Variants in NOS1 observed in about 807,000 individuals in gnomAD.
The protein encoded by NOS1 is nitric oxide synthase 1.
NOS1 carries 51 observed loss-of-function variants against 164.5 expected under a neutral mutation model. That is an observed-to-expected ratio of 0.31 (90% CI 0.25 to 0.39). The LOEUF (loss-of-function observed/expected upper bound fraction) is 0.39, where lower values mean the gene tolerates loss of function less well. NOS1 is among the 10% of genes least tolerant of loss of function. The pLI is 1.00. For missense variants in NOS1, 1,362 were observed against 1,885.6 expected (o/e 0.72, Z 5.14); for synonymous variants, 719 against 745.8 (o/e 0.96, Z 0.59).
chr12:117,246,536 C>T (rs1238254330), intron 18 of NOS1, among the ~76,000 whole-genome samples: 2 of 152,208 alleles, frequency 1.3e-5, no homozygotes, highest in African/African-American at 4.8e-5. Flanking sequence ...CGAACGTCCA[C>T]AAGGTTATGC....
intron 3 of NOS1, chr12:117,305,128 G>T: frequency 1.1e-6 from 1 of 939,404 alleles, no homozygotes; most frequent in Non-Finnish European, 1.3e-6. Context: ...CCCTGTGGAT[G>T]CTTAAACAAG....
chr12:117,221,130 T>TTTTA (rs200373619), intron 26 of NOS1, among the ~76,000 whole-genome samples: 27,559 of 146,024 alleles, frequency 0.19, 3,035 homozygotes, highest in East Asian at 0.37. Context: ...TTAAATTTAT[T>TTTTA]TTTATTTATT....
chr12:117,353,325 C>T (rs1174755389), intron 1 of NOS1, among the ~76,000 whole-genome samples: 2 of 152,120 alleles, frequency 1.3e-5, no homozygotes, highest in Non-Finnish European at 2.9e-5. Context: ...TACCTACCTA[C>T]CTCTCCATCT....
At chr12:117,269,193 T>A (rs1022348682) in intron 10 of NOS1, among the ~76,000 whole-genome samples, 2 of 152,022 alleles carry the variant, frequency 1.3e-5, no homozygotes, top group Non-Finnish European at 2.9e-5. Flanking sequence ...AGGTGAGCCC[T>A]AAGTGATGAG....
chr12:117,256,901 GTC>G (rs1361147435), intron 16 of NOS1, among the ~76,000 whole-genome samples: 6 of 151,800 alleles, frequency 4.0e-5, no homozygotes, highest in African/African-American at 1.5e-4. Context: ...GTGAAAGCCT[GTC>G]TCTACTAAAA....
chr12:117,282,252 G>A (rs775051136), intron 7 of NOS1, among the ~76,000 whole-genome samples: 6 of 151,554 alleles, frequency 4.0e-5, no homozygotes, highest in Non-Finnish European at 7.4e-5. Flanking sequence ...ACTTTTTCAC[G>A]ATGTAGTTCA....
At chr12:117,279,146 A>AG (rs1178326597) in intron 8 of NOS1, among the ~76,000 whole-genome samples, 2 of 152,212 alleles carry the variant, frequency 1.3e-5, no homozygotes, top group East Asian at 3.9e-4. Context: ...TGGGAGGCAG[A>AG]GGTGGGCGGA....
At chr12:117,235,130 C>T (rs571707722) in intron 20 of NOS1, among the ~76,000 whole-genome samples, 1 of 152,030 alleles carries the variant, frequency 6.6e-6, no homozygotes, top group Admixed American at 6.6e-5. Flanking sequence ...GTGGCCCAGG[C>T]TGGTCTCAAA....
chr12:117,283,855 C>CAAAAAAA (rs61448842), intron 7 of NOS1, among the ~76,000 whole-genome samples: 1 of 63,722 alleles, frequency 1.6e-5, no homozygotes, highest in Non-Finnish European at 2.7e-5. Context: ...GACTCTGTCT[C>CAAAAAAA]AAAAAAAAAA....
chr12:117,358,040 C>A (rs1384227266), intron 1 of NOS1, among the ~76,000 whole-genome samples: 1 of 152,224 alleles, frequency 6.6e-6, no homozygotes, highest in Non-Finnish European at 1.5e-5. Context: ...CTCTTAACCA[C>A]ATTCCAAGCC....
chr12:117,317,407 G>T (rs1388788812), intron 2 of NOS1, among the ~76,000 whole-genome samples: 3 of 149,588 alleles, frequency 2.0e-5, no homozygotes, highest in African/African-American at 4.9e-5. Flanking sequence ...GGACTGTCTT[G>T]TGCGTTGGAG....
chr12:117,275,800 C>T (rs1217624049), intron 9 of NOS1, among the ~76,000 whole-genome samples: 2 of 151,924 alleles, frequency 1.3e-5, no homozygotes, highest in African/African-American at 4.8e-5. Context: ...TAAAATGAAA[C>T]ATTAATTTTG....
At chr12:117,264,115 A>C in intron 12 of NOS1, 141 bp from the exon 13 acceptor site, 4 of 148,474 alleles carry the variant, frequency 2.7e-5, no homozygotes, top group East Asian at 1.7e-4. Context: ...AGTGGTGACC[A>C]CCATGGGGGA....
intron 3 of NOS1, among the ~76,000 whole-genome samples, chr12:117,294,698 G>A (rs1358027263): frequency 6.6e-6 from 1 of 152,202 alleles, no homozygotes; most frequent in East Asian, 1.9e-4. Context: ...GCACTTGTGA[G>A]TTATTATGTT....
rs771120748 is a variant in NOS1, at chr12:117,288,128, T to G, written c.1073A>C (p.Gln358Pro). The G allele has an allele frequency of 6.2e-7, 1 of 1,614,122 alleles. No homozygotes were observed. The highest frequency in any genetic ancestry group is 8.5e-7 in the Non-Finnish European group (1 of 1,180,052). The change falls in exon 5 of 29, where the codon CAG becomes CCG. Residue 358 changes from glutamine to proline, a missense_variant. Physicochemically the swap from Gln to Pro is moderately conservative, Grantham distance 76. Around this residue, in one of 4 missense-constraint regions of NOS1, gnomAD observed 129 missense variants for 186.0 expected, o/e 0.69. Transcript: ENST00000317775. ...AAACTCTTTGGCGAGAGGGAAGAGC[T>G]GTCCTTTTGTGCGGACGTCTTCAGG... ...RRPEDVRTKG[Q>P]LFPLAKEFID...
chr12:117,316,593 T>C (rs1204000441), intron 2 of NOS1, among the ~76,000 whole-genome samples: 1 of 152,204 alleles, frequency 6.6e-6, no homozygotes, highest in African/African-American at 2.4e-5. Flanking sequence ...GAGTGATGTA[T>C]ATTTCCATTT....
chr12:117,316,582 T>C (rs530145396), intron 2 of NOS1, among the ~76,000 whole-genome samples: 21 of 152,252 alleles, frequency 1.4e-4, no homozygotes, highest in African/African-American at 4.8e-4. Flanking sequence ...TAACTAAACA[T>C]GAGTGATGTA....
intron 27 of NOS1, among the ~76,000 whole-genome samples, chr12:117,218,767 T>A (rs1956651687): frequency 6.6e-6 from 1 of 152,038 alleles, no homozygotes; most frequent in Non-Finnish European, 1.5e-5. Flanking sequence ...ACGACTGACT[T>A]GTGACATCTG....
At chr12:117,304,251 C>G (rs1874015365) in intron 3 of NOS1, among the ~76,000 whole-genome samples, 1 of 152,102 alleles carries the variant, frequency 6.6e-6, no homozygotes, top group African/African-American at 2.4e-5. Context: ...TAATAATGAT[C>G]CTTAGCGAAA....
Sources: gnomAD v4.1 joint callset for allele counts (sites outside exome capture counted in the v4.1 genomes callset) on GRCh38, gnomAD v4.1.1 for gene constraint, gnomAD v4.1.1 regional missense constraint, MANE v1.5 for transcripts, NCBI Gene and HGNC (gene_info 2026-07-23, HGNC 2026-07-21) for gene names.